Variants in PRPF39 observed in about 807,000 individuals in gnomAD.
PRPF39 encodes the protein pre-mRNA-processing factor 39.
PRPF39 carries 27 observed loss-of-function variants against 82.1 expected under a neutral mutation model. The observed-to-expected ratio is 0.33, with a 90% CI of 0.24 to 0.45. The LOEUF is 0.45. Ranked by LOEUF, PRPF39 falls within the 20% of genes least tolerant of loss-of-function variation. PRPF39 has a pLI of 1.00. For synonymous variants in PRPF39, 261 were observed against 256.4 expected (o/e 1.02, Z -0.17); for missense variants, 581 against 796.9 (o/e 0.73, Z 3.26).
chr14:45,101,758 T>C (rs551653019), intron 4 of PRPF39, among the ~76,000 whole-genome samples: 1 of 151,970 alleles, frequency 6.6e-6, no homozygotes, highest in African/African-American at 2.4e-5. Flanking sequence ...ACTTTAATGA[T>C]AGAATTTTAG....
At position 45,110,523 on chromosome 14, in the gene PRPF39, C is replaced by T. The variant is rs745845794; in HGVS notation, c.1304-26C>T. 12 of 1,540,192 alleles carry T rather than the reference C, an allele frequency of 7.8e-6. No individual in the cohort carries two copies. The South Asian group carries it at 1.2e-4, about 15-fold the overall frequency. On this transcript the variant is annotated intron_variant, in intron 9 of 13. Coordinates refer to ENST00000355765, the MANE Select transcript of PRPF39 (RefSeq NM_017922.4). This position sits in a 1 kb window ranked among gnomAD's most constrained non-coding sequence, Gnocchi z 4.0. The stretch of plus-strand genomic sequence containing the variant: ...GTTATTTTGGTTGTTTAAACCAAAG[C>T]ATAAACATTTAATTACTGTTTCTAG...
chr14:45,095,836 T>A lies in PRPF39; in HGVS notation c.325-267T>A, dbSNP rs1884180940. 1.3e-5 allele frequency: 6 copies of A among 476,852 alleles called. No homozygotes were observed. In the South Asian group the frequency reaches 2.6e-4, roughly 21 times the overall value. 29.5% of individuals were successfully genotyped at this position (476,852 alleles called of 1,614,324 possible). A position where few individuals can be genotyped will look rare whatever the true frequency, so the allele number is the denominator to read the frequency against. ...TGAAATAAAAAGTTGGCAAAATTAGTTCCTTCTGTTTCAATTGCGTTTAGA... is the reference window on the plus strand; with the variant it reads ...TGAAATAAAAAGTTGGCAAAATTAGATCCTTCTGTTTCAATTGCGTTTAGA... On this transcript the variant is annotated intron_variant, in intron 2 of 13. Transcript: ENST00000355765.
chr14:45,096,057 T>G, intron 2 of PRPF39, 46 bp from the exon 3 acceptor site: 1 of 1,449,868 alleles, frequency 6.9e-7, no homozygotes, highest in Non-Finnish European at 9.3e-7. Flanking sequence ...AATATTTTTT[T>G]GACAGAAATT....
At chr14:45,114,729 G>A in intron 13 of PRPF39, 115 bp downstream of exon 13, 1 of 1,400,692 alleles carries the variant, frequency 7.1e-7, no homozygotes, top group Non-Finnish European at 9.8e-7. Context: ...TTCTTTGGTG[G>A]TTAAGTACTA....
Position 45,114,230 on chromosome 14 carries a change from A to C in PRPF39, c.1805A>C (p.Asp602Ala). The C allele has an allele frequency of 6.2e-7, 1 of 1,603,292 alleles. No homozygotes were observed. The highest frequency in any genetic ancestry group is 8.5e-7 in the Non-Finnish European group (1 of 1,172,832). The change falls in exon 12 of 14, where the codon GAT becomes GCT. Residue 602 changes from aspartate to alanine, a missense_variant. Asp to Ala is a moderately radical substitution (Grantham distance 126). Coordinates refer to ENST00000355765, the MANE Select transcript of PRPF39 (RefSeq NM_017922.4). ...CATCAAACACTCCTGAAAGAACAGG[A>C]TTCTTTAAAAAGGAAAGCAGAAAAT... ...DEHQTLLKEQ[D>A]SLKRKAENGS...
At chr14:45,111,015 T>C in intron 10 of PRPF39, 198 bp downstream of exon 10, 1 of 561,306 alleles carries the variant, frequency 1.8e-6, no homozygotes, top group South Asian at 2.4e-5. Context: ...TTTTAGACAT[T>C]AAGATTATTG....
At chr14:45,094,643 TATATA>T (rs1413488166) in intron 1 of PRPF39, among the ~76,000 whole-genome samples, 1 of 152,238 alleles carries the variant, frequency 6.6e-6, no homozygotes, top group African/African-American at 2.4e-5. Context: ...ATTTATATCT[TATATA>T]ATAAAGTTGA....
Position 45,095,228 on chromosome 14 carries a change from A to G in PRPF39, c.-12A>G, listed in dbSNP as rs766092198. On this transcript the variant is annotated 5_prime_UTR_variant, in exon 2 of 14. Coordinates refer to ENST00000355765, the MANE Select transcript of PRPF39 (RefSeq NM_017922.4). The stretch of plus-strand genomic sequence containing the variant: ...TTTTTCGTGTTTCCACAGATCGTTA[A>G]CTGAAGACAATATGCAAAATTCTCA... The G allele has an allele frequency of 1.3e-6, 2 of 1,559,806 alleles. No individual in the cohort carries two copies. The highest frequency in any genetic ancestry group is 1.2e-5 in the South Asian group (1 of 86,358).
intron 1 of PRPF39, among the ~76,000 whole-genome samples, chr14:45,085,434 A>G (rs1221521969): frequency 5.3e-5 from 8 of 152,220 alleles, no homozygotes; most frequent in Non-Finnish European, 1.2e-4. Flanking sequence ...AAGAAAGAAG[A>G]TGTTTAAAAG....
At chr14:45,108,115 C>A (rs750045624) in intron 6 of PRPF39, among the ~76,000 whole-genome samples, 1 of 151,886 alleles carries the variant, frequency 6.6e-6, no homozygotes, top group Non-Finnish European at 1.5e-5. Flanking sequence ...GGTAGAGAAT[C>A]TATTTTACTA....
chr14:45,115,023 C>T lies in PRPF39; in HGVS notation c.*110C>T. 1.2e-6 allele frequency: 1 copy of T among 805,222 alleles called. No homozygotes were observed. The highest frequency in any genetic ancestry group is 2.2e-5 in the South Asian group (1 of 45,100). 49.9% of individuals were successfully genotyped at this position (805,222 alleles called of 1,614,324 possible). A position where few individuals can be genotyped will look rare whatever the true frequency, so the allele number is the denominator to read the frequency against. Reference sequence around the variant, plus strand: ...TTGTTGTATTTGATAACCTGTCTTCCTTGTTTCTGTGTAACATGATTTGTT... The same window carrying T: ...TTGTTGTATTTGATAACCTGTCTTCTTTGTTTCTGTGTAACATGATTTGTT... On this transcript the variant is annotated 3_prime_UTR_variant, in exon 14 of 14. Transcript: ENST00000355765.
At chr14:45,101,128 G>C (rs1354486791) in intron 4 of PRPF39, among the ~76,000 whole-genome samples, 2 of 152,004 alleles carry the variant, frequency 1.3e-5, no homozygotes, top group Middle Eastern at 3.2e-3. Context: ...TAGCTTCCTA[G>C]TTTCTTATAT....
intron 2 of PRPF39, among the ~76,000 whole-genome samples, chr14:45,095,890 T>TA (rs1491176208): frequency 5.3e-5 from 5 of 95,082 alleles, no homozygotes. Context: ...CCTGTGTAGG[T>TA]TTTTTTTTTT....
At position 45,102,548 on chromosome 14, in the gene PRPF39, C is replaced by T. The variant is rs145199849; in HGVS notation, c.589C>T (p.Leu197=). The change falls in exon 5 of 14, where the codon CTA becomes TTA. Residue 197 remains leucine (L), a synonymous_variant. Transcript: ENST00000355765. ...TTTCAGAACTTTTGAGCATGCTGTTCTAGCTGCAGGAACAGATTTCCGTTC... is the reference window on the plus strand; with the variant it reads ...TTTCAGAACTTTTGAGCATGCTGTTTTAGCTGCAGGAACAGATTTCCGTTC... ...TIRGTFEHAV[L]AAGTDFRSDR... is the part of the protein sequence containing the mutation. 2 of 1,608,376 alleles carry T rather than the reference C, an allele frequency of 1.2e-6. No individual in the cohort carries two copies. Among genetic ancestry groups the T allele is most frequent in the Non-Finnish European group, 1.7e-6 (2 of 1,178,010 alleles).
chr14:45,086,908 C>G lies in PRPF39; in HGVS notation c.-20+2659C>G, dbSNP rs551382745. The stretch of plus-strand genomic sequence containing the variant: ...ATAAGATGTACATGGACATCACTAA[C>G]TCAATAAACAGTTCAATTGTGTGTG... On this transcript the variant is annotated intron_variant, in intron 1 of 13. Transcript: ENST00000355765. Among the ~76,000 whole-genome samples the G allele has an allele frequency of 2.9e-5, 4 of 140,132 alleles. No individual in the cohort carries two copies. In the South Asian group the frequency reaches 1.0e-3, roughly 35 times the overall value. The allele number at this position is 140,132 out of a possible 152,430, so 91.9% of individuals were successfully genotyped here.
intron 5 of PRPF39, 70 bp downstream of exon 5, chr14:45,102,766 A>AT: frequency 5.1e-6 from 7 of 1,368,588 alleles, no homozygotes; most frequent in Non-Finnish European, 6.0e-6. Context: ...AAGTATTATA[A>AT]TTATCTTGGA....
Position 45,095,295 on chromosome 14 carries a change from A to G in PRPF39, c.56A>G (p.Asn19Ser), listed in dbSNP as rs761356399. The change falls in exon 2 of 14, where the codon AAC becomes AGC. Residue 19 changes from asparagine (N) to serine (S), a missense_variant. Physicochemically the swap from Asn to Ser is conservative, Grantham distance 46. Transcript: ENST00000355765. ...AATTCTAGTAATGGCAGCACAGGCA[A>G]CAGTTCAGAGGTAGTGGTAGAACAT... ...YRNSSNGSTG[N>S]SSEVVVEHPT... is the part of the protein sequence containing the mutation. The G allele has an allele frequency of 1.2e-6, 2 of 1,612,434 alleles. No individual in the cohort carries two copies. The highest frequency in any genetic ancestry group is 1.7e-5 in the Admixed American group (1 of 59,956).
chr14:45,102,500 GAT>G, intron 4 of PRPF39, 27 bp from the exon 5 acceptor site: 2 of 1,525,842 alleles, frequency 1.3e-6, no homozygotes, highest in Non-Finnish European at 1.8e-6. Context: ...ATCTTGGAAA[GAT>G]AACTTAAGAG....
rs1884672497 is a variant in PRPF39 at position 45,110,691 on chromosome 14, T to C, written c.1446T>C (p.Ile482=). ...EEAEHLLQDA[I]KNAKSNNESS... ...CTGAACATTTGCTTCAGGATGCCATTAAGAATGCCAAATCAAATAATGAAT... is the reference window on the plus strand; with the variant it reads ...CTGAACATTTGCTTCAGGATGCCATCAAGAATGCCAAATCAAATAATGAAT... Residue 482 remains isoleucine, a synonymous_variant, in exon 10 of 14, where the codon ATT becomes ATC. Transcript: ENST00000355765. This position sits in a 1 kb window ranked among gnomAD's most constrained non-coding sequence, Gnocchi z 4.0. 1.3e-6 allele frequency: 2 copies of C among 1,573,652 alleles called. No individual in the cohort carries two copies. Among genetic ancestry groups the C allele is most frequent in the Middle Eastern group, 3.3e-4 (2 of 6,008 alleles).
Sources: allele counts gnomAD v4.1 joint callset (sites outside exome capture counted in the v4.1 genomes callset), GRCh38; gene constraint gnomAD v4.1.1; non-coding constraint Gnocchi (gnomAD v3.1); transcripts MANE v1.5; gene names NCBI Gene and HGNC (gene_info 2026-07-23, HGNC 2026-07-21).